The following VTI1A variants were observed in gnomAD, a reference collection of about 807,000 sequenced individuals.
VTI1A encodes the protein vesicle transport through interaction with t-SNAREs 1A.
Under a neutral mutation model 34.9 loss-of-function variants are expected in VTI1A, and 22 were observed. That is an observed-to-expected ratio of 0.63 (90% CI 0.45 to 0.90). VTI1A has a LOEUF of 0.90. VTI1A is among the 40% of genes least tolerant of loss of function. VTI1A has a pLI of 0.00. For synonymous variants in VTI1A, 87 were observed against 97.3 expected (o/e 0.89, Z 0.62); for missense variants, 268 against 275.6 (o/e 0.97, Z 0.20).
intron 7 of VTI1A, among the ~76,000 whole-genome samples, chr10:112,746,695 T>C (rs1850909228): frequency 6.6e-6 from 1 of 152,170 alleles, no homozygotes; most frequent in African/African-American, 2.4e-5. Flanking sequence ...CAAAATTAAC[T>C]GAGCAAATTT....
chr10:112,568,115 A>G (rs2134352990), intron 5 of VTI1A, among the ~76,000 whole-genome samples: 2 of 151,936 alleles, frequency 1.3e-5, no homozygotes, highest in South Asian at 2.1e-4. Context: ...ACTCAGATAT[A>G]AAGAAAAAAT....
intron 7 of VTI1A, among the ~76,000 whole-genome samples, chr10:112,782,592 T>C (rs1254762861): frequency 2.0e-5 from 3 of 152,226 alleles, no homozygotes; most frequent in South Asian, 2.1e-4. Flanking sequence ...GCTGGAATTA[T>C]AGTGGGGCTG....
At chr10:112,849,537 C>T in the VTI1A span, among the ~76,000 whole-genome samples, 1 of 152,208 alleles carries the variant, frequency 6.6e-6, no homozygotes, top group Admixed American at 6.5e-5. Context: ...TCTTAGAAAA[C>T]CCGCCTTTCG....
chr10:112,453,152 A>T (rs931194574), intron 1 of VTI1A, among the ~76,000 whole-genome samples: 1 of 152,162 alleles, frequency 6.6e-6, no homozygotes, highest in Non-Finnish European at 1.5e-5. Context: ...GATTTGCTCA[A>T]TGTTTTTCTC....
chr10:112,491,424 T>A (rs1036374475), intron 3 of VTI1A, among the ~76,000 whole-genome samples: 2 of 152,218 alleles, frequency 1.3e-5, no homozygotes, highest in African/African-American at 4.8e-5. Flanking sequence ...AGAGATTGTA[T>A]CAAGTGGTTC....
chr10:112,633,157 G>A (rs1247705041), intron 5 of VTI1A, among the ~76,000 whole-genome samples: 1 of 152,030 alleles, frequency 6.6e-6, no homozygotes, highest in East Asian at 1.9e-4. Flanking sequence ...TGAGAGGAGA[G>A]GTCTGAAGGA....
intron 7 of VTI1A, among the ~76,000 whole-genome samples, chr10:112,697,340 C>T (rs1428077642): frequency 4.6e-5 from 7 of 150,960 alleles, no homozygotes; most frequent in African/African-American, 1.7e-4. Flanking sequence ...ACTATAGGTG[C>T]ATGCCTCCAC....
intron 1 of VTI1A, among the ~76,000 whole-genome samples, chr10:112,452,192 G>A (rs1285612417): frequency 2.6e-5 from 4 of 152,084 alleles, no homozygotes; most frequent in Admixed American, 2.6e-4. Context: ...TGAGCTGCTG[G>A]GCAAGGTCCA....
intron 5 of VTI1A, among the ~76,000 whole-genome samples, chr10:112,615,445 C>A (rs965108755): frequency 1.3e-5 from 2 of 152,148 alleles, no homozygotes; most frequent in Non-Finnish European, 2.9e-5. Flanking sequence ...GGATGAGTCA[C>A]AACAATGAAG....
At chr10:112,736,911 A>C (rs1038240249) in intron 7 of VTI1A, 1 of 671,732 alleles carries the variant, frequency 1.5e-6, no homozygotes. Context: ...TGCGCAGTGC[A>C]TGAGTACTTG....
chr10:112,706,292 T>A (rs544280712), intron 7 of VTI1A, among the ~76,000 whole-genome samples: 1 of 152,358 alleles, frequency 6.6e-6, no homozygotes, highest in African/African-American at 2.4e-5. Flanking sequence ...CCAGTCATCA[T>A]AGCCATAGGG....
intron 7 of VTI1A, among the ~76,000 whole-genome samples, chr10:112,734,199 C>A (rs1157667081): frequency 6.6e-6 from 1 of 152,112 alleles, no homozygotes; most frequent in Non-Finnish European, 1.5e-5. Context: ...GGTTCAAGCT[C>A]CTTACCAGCA....
At chr10:112,846,796 T>A in the VTI1A span, among the ~76,000 whole-genome samples, 9 of 150,824 alleles carry the variant, frequency 6.0e-5, no homozygotes, top group South Asian at 1.7e-3. Context: ...AAAAGAAATA[T>A]GGCCAGTGGA....
chr10:112,830,692 G>T, the VTI1A span, among the ~76,000 whole-genome samples: 1 of 150,012 alleles, frequency 6.7e-6, no homozygotes, highest in African/African-American at 2.5e-5. Flanking sequence ...TAAAACCGAG[G>T]AGATGGAGAA....
Position 112,527,285 on chromosome 10 carries a change from T to G in VTI1A, c.342+121T>G. 4 of 734,784 alleles carry G rather than the reference T, an allele frequency of 5.4e-6. No individual in the cohort carries two copies. In the South Asian group the frequency reaches 8.1e-5, roughly 15 times the overall value. 45.5% of individuals were successfully genotyped at this position (734,784 alleles called of 1,614,324 possible). ...AGCAACTCATGTGGAAGCGATACTG[T>G]TTAATGCAAAGCTGGAGTCTTAATC... On this transcript the variant is annotated intron_variant, in intron 4 of 7. Coordinates refer to ENST00000393077, the MANE Select transcript of VTI1A (RefSeq NM_145206.4).
At chr10:112,792,658 C>T (rs763512496) in intron 7 of VTI1A, among the ~76,000 whole-genome samples, 6 of 152,270 alleles carry the variant, frequency 3.9e-5, no homozygotes, top group South Asian at 4.1e-4. Context: ...AGTCAAGATA[C>T]GGCAATGATA....
intron 5 of VTI1A, among the ~76,000 whole-genome samples, chr10:112,665,446 A>G (rs1847609736): frequency 1.3e-5 from 2 of 152,300 alleles, no homozygotes; most frequent in Admixed American, 6.5e-5. Context: ...TGAAAAAAGA[A>G]TTGTGTTTCC....
chr10:112,685,059 G>T (rs1848358486), intron 7 of VTI1A, among the ~76,000 whole-genome samples: 1 of 152,114 alleles, frequency 6.6e-6, no homozygotes, highest in African/African-American at 2.4e-5. Flanking sequence ...CATGTTGTAG[G>T]TTTTCTTTGT....
At chr10:112,824,680 A>G in the VTI1A span, 1 of 152,130 alleles carries the variant, frequency 6.6e-6, no homozygotes, top group Non-Finnish European at 1.5e-5. Flanking sequence ...AGAGGCTGGC[A>G]CCTTTCATGC....
Sources: gnomAD v4.1 joint callset for allele counts (sites outside exome capture counted in the v4.1 genomes callset) on GRCh38, gnomAD v4.1.1 for gene constraint, MANE v1.5 for transcripts, NCBI Gene and HGNC (gene_info 2026-07-23, HGNC 2026-07-21) for gene names.